Variants in CCDC144A observed in about 807,000 individuals in gnomAD.
The protein encoded by CCDC144A is coiled-coil domain-containing protein 144A.
Under a neutral mutation model 143.8 loss-of-function variants are expected in CCDC144A, and 41 were observed. The observed-to-expected ratio is 0.29, with a 90% CI of 0.22 to 0.37. CCDC144A has a LOEUF of 0.37. Among genes scored for constraint, CCDC144A ranks in the 10% least tolerant of loss-of-function variants. The probability of loss-of-function intolerance (pLI) is 1.00; values close to 1 mark genes in which losing one functional copy is unlikely to be tolerated. For synonymous variants in CCDC144A, 242 were observed against 517.9 expected (o/e 0.47, Z 7.23); for missense variants, 637 against 1,488.8 (o/e 0.43, Z 9.41).
chr17:16,673,511 C>T, the CCDC144A span, among the ~76,000 whole-genome samples: 1 of 151,740 alleles, frequency 6.6e-6, no homozygotes, highest in Admixed American at 6.6e-5. Flanking sequence ...CTCAGCATCC[C>T]GAGTAGCTGG....
At chr17:16,669,490 A>G in the CCDC144A span, among the ~76,000 whole-genome samples, 1 of 152,198 alleles carries the variant, frequency 6.6e-6, no homozygotes, top group African/African-American at 2.4e-5. Flanking sequence ...ATTTTAACCC[A>G]ATTTAATATT....
Position 16,729,991 on chromosome 17 carries a change from T to TATATATATATATATATATATACACACAC in CCDC144A, c.2106-1808_2106-1807insTATATATATATATATATATACACACACA, listed in dbSNP as rs1491438660. ...ATATATATATATATATATATATATA[T>TATATATATATATATATATATACACACAC]ACACACATACATTTTTTGTTTTTTT... On this transcript the variant is annotated intron_variant, in intron 9 of 16. Transcript: ENST00000399273. 1.1e-3 allele frequency among the ~76,000 whole-genome samples: 126 copies of TATATATATATATATATATATACACACAC among 114,566 alleles called. 1 individual carries two copies. The highest frequency in any genetic ancestry group is 4.7e-3 in the Middle Eastern group (1 of 212). The allele number at this position is 114,566 out of a possible 152,430, so 75.2% of individuals were successfully genotyped here.
At chr17:16,678,134 C>T in the CCDC144A span, among the ~76,000 whole-genome samples, 1 of 152,058 alleles carries the variant, frequency 6.6e-6, no homozygotes, top group South Asian at 2.1e-4. Context: ...ACAAACCATT[C>T]ATAATTTATC....
At chr17:16,725,640 G>T (rs1266423904) in intron 8 of CCDC144A, among the ~76,000 whole-genome samples, 2 of 151,544 alleles carry the variant, frequency 1.3e-5, no homozygotes, top group Non-Finnish European at 2.9e-5. Context: ...GAGTGGGAGG[G>T]GGGTGAGGGA....
Position 16,777,389 on chromosome 17 carries a change from C to A in CCDC144A, c.*3756C>A, listed in dbSNP as rs1177727078. The A allele has an allele frequency of 6.6e-6, 1 of 152,022 alleles. No homozygotes were observed. The allele number at this position is 152,022 out of a possible 1,614,324, so 9.4% of individuals were successfully genotyped here. A position where few individuals can be genotyped will look rare whatever the true frequency, so the allele number is the denominator to read the frequency against. On this transcript the variant is annotated 3_prime_UTR_variant, in exon 17 of 17. Transcript: ENST00000399273. Reference sequence around the variant, plus strand: ...TAACAGATGCTTACAGAACATTCTACCCAACAAGCATAGAATATACATTGT... The same window carrying A: ...TAACAGATGCTTACAGAACATTCTAACCAACAAGCATAGAATATACATTGT...
intron 2 of CCDC144A, among the ~76,000 whole-genome samples, chr17:16,694,867 C>G (rs186686172): frequency 6.6e-6 from 1 of 152,338 alleles, no homozygotes; most frequent in East Asian, 1.9e-4. Context: ...ACAAGATATG[C>G]TGTTACCATT....
chr17:16,677,476 A>G, the CCDC144A span, among the ~76,000 whole-genome samples: 1 of 152,024 alleles, frequency 6.6e-6, no homozygotes. Flanking sequence ...TCGTGTGTTA[A>G]AATCAAATTC....
chr17:16,768,524 T>C (rs1469908918), intron 15 of CCDC144A, among the ~76,000 whole-genome samples: 3 of 152,250 alleles, frequency 2.0e-5, no homozygotes, highest in African/African-American at 7.2e-5. Flanking sequence ...GCCTGCCACA[T>C]AGCCTTGCCA....
chr17:16,734,396 A>T (rs1378215616), intron 11 of CCDC144A, among the ~76,000 whole-genome samples: 1 of 152,172 alleles, frequency 6.6e-6, no homozygotes, highest in Non-Finnish European at 1.5e-5. Flanking sequence ...CAAATTTATT[A>T]ATCTTTAATG....
At chr17:16,757,360 G>A (rs1413742807) in intron 12 of CCDC144A, among the ~76,000 whole-genome samples, 1 of 152,260 alleles carries the variant, frequency 6.6e-6, no homozygotes, top group Non-Finnish European at 1.5e-5. Flanking sequence ...GAAGACACGT[G>A]CAGGAGCCTT....
At chr17:16,740,491 T>G (rs533577662) in intron 12 of CCDC144A, among the ~76,000 whole-genome samples, 1 of 152,316 alleles carries the variant, frequency 6.6e-6, no homozygotes, top group South Asian at 2.1e-4. Context: ...AATGGTTGAA[T>G]TAGTTGTATG....
chr17:16,722,833 A>G lies in CCDC144A; in HGVS notation c.1891+2175A>G, dbSNP rs570321859. On this transcript the variant is annotated intron_variant, in intron 8 of 16. Transcript: ENST00000399273. ...GGTAATATGCCTTTGTGGTTCCTTC[A>G]TGTCTTCTCATGGCATGATAGCTCA... Among the ~76,000 whole-genome samples the G allele has an allele frequency of 5.6e-3, 855 of 152,020 alleles. 10 individuals are homozygous for G. Among genetic ancestry groups the G allele is most frequent in the African/African-American group, 0.02 (811 of 41,450 alleles).
chr17:16,713,648 A>G (rs1003526677), intron 6 of CCDC144A, among the ~76,000 whole-genome samples: 1 of 152,208 alleles, frequency 6.6e-6, no homozygotes, highest in Non-Finnish European at 1.5e-5. Context: ...ATCAGCTTAT[A>G]TAATCTAGAA....
At chr17:16,718,918 A>G (rs1912929228) in intron 6 of CCDC144A, among the ~76,000 whole-genome samples, 1 of 123,102 alleles carries the variant, frequency 8.1e-6, no homozygotes, top group African/African-American at 3.8e-5. Context: ...TGCAACCTCC[A>G]CTTCCCAGGT....
chr17:16,717,905 C>A (rs1328994585), intron 6 of CCDC144A, among the ~76,000 whole-genome samples: 1 of 152,082 alleles, frequency 6.6e-6, no homozygotes, highest in Non-Finnish European at 1.5e-5. Flanking sequence ...AAAAAATGTA[C>A]CTCAAAATAA....
chr17:16,751,287 G>C (rs1476856694), intron 12 of CCDC144A, among the ~76,000 whole-genome samples: 1 of 151,978 alleles, frequency 6.6e-6, no homozygotes, highest in South Asian at 2.1e-4. Flanking sequence ...GGTGGTTTCA[G>C]ATGGCCAGGA....
chr17:16,755,007 TA>T (rs1359633893), intron 12 of CCDC144A, among the ~76,000 whole-genome samples: 6 of 152,234 alleles, frequency 3.9e-5, no homozygotes, highest in Non-Finnish European at 7.3e-5. Context: ...TATTTTATTT[TA>T]TTTTTTTTAC....
intron 12 of CCDC144A, among the ~76,000 whole-genome samples, chr17:16,744,323 A>G (rs1280778086): frequency 2.0e-5 from 3 of 152,192 alleles, no homozygotes; most frequent in African/African-American, 7.2e-5. Flanking sequence ...GTGTATTAGA[A>G]TTCCCTTTTC....
Position 16,690,351 on chromosome 17 carries a change from C to T in CCDC144A, c.-50C>T. ...GGTCCTCCTTTCGCAGATTGGAAAC[C>T]GCGGGCTATCCTGCTGGGAGGTTGT... On this transcript the variant is annotated 5_prime_UTR_variant, in exon 1 of 17. Transcript: ENST00000399273. 1.4e-6 allele frequency: 2 copies of T among 1,397,612 alleles called. No individual in the cohort carries two copies. Among genetic ancestry groups the T allele is most frequent in the Non-Finnish European group, 1.9e-6 (2 of 1,046,802 alleles). 86.6% of individuals were successfully genotyped at this position (1,397,612 alleles called of 1,614,324 possible).
Sources: gnomAD v4.1 joint callset for allele counts (sites outside exome capture counted in the v4.1 genomes callset) on GRCh38, gnomAD v4.1.1 for gene constraint, MANE v1.5 for transcripts, NCBI Gene and HGNC (gene_info 2026-07-23, HGNC 2026-07-21) for gene names.